The following TMEM132B variants were observed in gnomAD, a reference collection of about 807,000 sequenced individuals.
The protein encoded by TMEM132B is transmembrane protein 132B.
In TMEM132B, 18 loss-of-function variants were observed where a neutral mutation model predicts 90.8. The ratio of observed to expected loss-of-function variants is 0.20; its 90% CI spans 0.14 to 0.29. The LOEUF is 0.29. Among genes scored for constraint, TMEM132B ranks in the 10% least tolerant of loss-of-function variants. The pLI is 1.00. For missense variants in TMEM132B, 1,096 were observed against 1,326.8 expected (o/e 0.83, Z 2.70); for synonymous variants, 504 against 523.3 (o/e 0.96, Z 0.50).
chr12:125,616,283 G>A (rs1433834168), intron 5 of TMEM132B, among the ~76,000 whole-genome samples: 1 of 151,944 alleles, frequency 6.6e-6, no homozygotes, highest in East Asian at 1.9e-4. Context: ...ATTTTTTATG[G>A]CTGCATAGTA....
intron 7 of TMEM132B, among the ~76,000 whole-genome samples, chr12:125,652,016 CTGCTT>C (rs1267495096): frequency 6.6e-6 from 1 of 152,202 alleles, no homozygotes; most frequent in Admixed American, 6.5e-5. Context: ...GAAAAGGTCT[CTGCTT>C]TTAAGGACTC....
intron 3 of TMEM132B, among the ~76,000 whole-genome samples, chr12:125,494,136 A>C (rs1332155995): frequency 1.1e-4 from 7 of 66,236 alleles, no homozygotes; most frequent in African/African-American, 1.2e-4. Context: ...CTGGAAATGG[A>C]TGCATCCCCT....
At chr12:125,545,571 A>T (rs1460591055) in intron 4 of TMEM132B, among the ~76,000 whole-genome samples, 1 of 152,192 alleles carries the variant, frequency 6.6e-6, no homozygotes, top group Admixed American at 6.5e-5. Context: ...GTTTTAGCCG[A>T]CCAGCATATT....
chr12:125,195,394 GTTTTTT>G (rs36005995), intron 1 of TMEM132B, among the ~76,000 whole-genome samples: 2 of 89,906 alleles, frequency 2.2e-5, no homozygotes, highest in Admixed American at 1.5e-4. Flanking sequence ...GGGTTTGCGG[GTTTTTT>G]TTTTTTTTTT....
intron 1 of TMEM132B, among the ~76,000 whole-genome samples, chr12:125,295,217 G>C (rs1299010564): frequency 6.6e-6 from 1 of 152,208 alleles, no homozygotes; most frequent in African/African-American, 2.4e-5. Flanking sequence ...CTTCTGTTCT[G>C]ACAAGTCACC....
intron 5 of TMEM132B, among the ~76,000 whole-genome samples, chr12:125,626,137 A>G (rs1483184434): frequency 2.0e-5 from 3 of 152,166 alleles, no homozygotes; most frequent in Non-Finnish European, 2.9e-5. Flanking sequence ...TCTTCCTTAA[A>G]TTATTCCATT....
intron 3 of TMEM132B, among the ~76,000 whole-genome samples, chr12:125,480,177 C>G (rs994314984): frequency 6.6e-6 from 1 of 151,902 alleles, no homozygotes; most frequent in Non-Finnish European, 1.5e-5. Flanking sequence ...AAATCGACAC[C>G]CTAACATCAC....
At chr12:125,233,862 A>G (rs1296790078) in intron 1 of TMEM132B, among the ~76,000 whole-genome samples, 1 of 152,112 alleles carries the variant, frequency 6.6e-6, no homozygotes, top group Admixed American at 6.5e-5. Context: ...TCTCTTATTC[A>G]ACTGCCTCCC....
chr12:125,471,612 G>T (rs1881724060), intron 3 of TMEM132B, among the ~76,000 whole-genome samples: 2 of 152,190 alleles, frequency 1.3e-5, no homozygotes, highest in Admixed American at 1.3e-4. Flanking sequence ...GCTTTGTCTG[G>T]GAAGAGCTCT....
At chr12:125,225,288 C>G (rs919918983) in intron 1 of TMEM132B, among the ~76,000 whole-genome samples, 1 of 152,222 alleles carries the variant, frequency 6.6e-6, no homozygotes, top group East Asian at 1.9e-4. Context: ...TAAGCAGGAC[C>G]AGCCGCACCA....
At chr12:125,344,422 G>A (rs10161288) in intron 1 of TMEM132B, among the ~76,000 whole-genome samples, 3,194 of 152,302 alleles carry the variant, frequency 0.021, 110 homozygotes, top group African/African-American at 0.073. Context: ...GGGCTAGAGG[G>A]AAAAGGGGAA....
chr12:125,633,922 T>C (rs1212615831), intron 5 of TMEM132B, among the ~76,000 whole-genome samples: 2 of 152,134 alleles, frequency 1.3e-5, no homozygotes, highest in African/African-American at 4.8e-5. Flanking sequence ...GCTGTAACCA[T>C]TCCCTAGCTA....
chr12:125,503,930 A>T (rs1312497290), intron 3 of TMEM132B, among the ~76,000 whole-genome samples: 3 of 152,162 alleles, frequency 2.0e-5, no homozygotes, highest in Non-Finnish European at 4.4e-5. Flanking sequence ...CATGCACATA[A>T]TTTTTTCTAT....
chr12:125,549,306 T>C (rs903027581), intron 4 of TMEM132B, among the ~76,000 whole-genome samples: 1 of 152,266 alleles, frequency 6.6e-6, no homozygotes, highest in African/African-American at 2.4e-5. Context: ...TCCTCGGCTC[T>C]GTTGAACCCA....
At chr12:125,643,889 G>T (rs1032429508) in intron 5 of TMEM132B, among the ~76,000 whole-genome samples, 187 bp from the exon 6 acceptor site, 3 of 152,130 alleles carry the variant, frequency 2.0e-5, no homozygotes, top group African/African-American at 4.8e-5. Context: ...AGTTTTCCTG[G>T]AGTCTATTTG....
At chr12:125,317,462 T>C in intron 1 of TMEM132B, among the ~76,000 whole-genome samples, 1 of 151,980 alleles carries the variant, frequency 6.6e-6, no homozygotes, top group South Asian at 2.1e-4. Context: ...GAAGTGGGGG[T>C]GCTCCCCTTC....
intron 3 of TMEM132B, among the ~76,000 whole-genome samples, chr12:125,483,433 G>T (rs1265106897): frequency 6.6e-6 from 1 of 151,776 alleles, no homozygotes; most frequent in Non-Finnish European, 1.5e-5. Context: ...AAACATTAAA[G>T]AAAAAAACAA....
At chr12:125,203,035 A>AGGCTTT (rs1873101349) in intron 1 of TMEM132B, among the ~76,000 whole-genome samples, 1 of 152,192 alleles carries the variant, frequency 6.6e-6, no homozygotes, top group African/African-American at 2.4e-5. Context: ...CTCCTTTGAA[A>AGGCTTT]GGCTTTGGCT....
intron 3 of TMEM132B, among the ~76,000 whole-genome samples, chr12:125,434,083 T>G (rs1880626055): frequency 6.6e-6 from 1 of 152,232 alleles, no homozygotes; most frequent in South Asian, 2.1e-4. Flanking sequence ...GTCAAGGCAT[T>G]GCAGAGTTGC....
Sources: gnomAD v4.1 joint callset for allele counts (sites outside exome capture counted in the v4.1 genomes callset) on GRCh38, gnomAD v4.1.1 for gene constraint, MANE v1.5 for transcripts, NCBI Gene and HGNC (gene_info 2026-07-23, HGNC 2026-07-21) for gene names.